NPAS3: variants seen among roughly 807,000 people sequenced by gnomAD.
NPAS3 encodes neuronal PAS domain-containing protein 3.
Under a neutral mutation model 73.1 loss-of-function variants are expected in NPAS3, and 14 were observed. The observed-to-expected ratio is 0.19, with a 90% CI of 0.13 to 0.30. The LOEUF (loss-of-function observed/expected upper bound fraction) is 0.30, where lower values mean the gene tolerates loss of function less well. Ranked by LOEUF, NPAS3 falls within the 10% of genes least tolerant of loss-of-function variation. The pLI is 1.00. For synonymous variants in NPAS3, 620 were observed against 541.5 expected, an observed-to-expected ratio of 1.14 and a Z score of -2.01; for missense variants, 1,096 against 1,250.0, an observed-to-expected ratio of 0.88 and a Z score of 1.86.
At chr14:33,279,074 G>T (rs1312385075) in intron 3 of NPAS3, among the ~76,000 whole-genome samples, 1 of 152,134 alleles carries the variant, frequency 6.6e-6, no homozygotes, top group African/African-American at 2.4e-5. Flanking sequence ...ATCACCTGGA[G>T]AGCTTATTAA....
At chr14:33,607,976 T>G (rs960302823) in intron 5 of NPAS3, among the ~76,000 whole-genome samples, 5 of 152,160 alleles carry the variant, frequency 3.3e-5, no homozygotes, top group African/African-American at 1.2e-4. Flanking sequence ...CATGATTCAG[T>G]TACCTCCCAC....
At chr14:33,768,829 T>C (rs1380103177) in intron 7 of NPAS3, among the ~76,000 whole-genome samples, 1 of 152,352 alleles carries the variant, frequency 6.6e-6, no homozygotes, top group South Asian at 2.1e-4. Flanking sequence ...TTTTATAGTT[T>C]CATGGCTCTT....
exon 12 of NPAS3, chr14:33,799,987 C>T: frequency 6.2e-7 from 1 of 1,613,570 alleles, no homozygotes. Context: ...TGGAGCGCTA[C>T]GTGGAGAGCG....
chr14:33,473,257 A>G (rs2050869071), intron 4 of NPAS3, among the ~76,000 whole-genome samples: 3 of 152,160 alleles, frequency 2.0e-5, no homozygotes, highest in Admixed American at 6.5e-5. Flanking sequence ...TTTAAAACAT[A>G]TAAATGCAAG....
At chr14:33,535,325 T>C (rs1226375948) in intron 4 of NPAS3, among the ~76,000 whole-genome samples, 1 of 152,194 alleles carries the variant, frequency 6.6e-6, no homozygotes, top group Non-Finnish European at 1.5e-5. Context: ...ACTAGACTAG[T>C]ATGAAGTTTA....
chr14:33,057,114 A>G (rs1220813606), intron 2 of NPAS3, among the ~76,000 whole-genome samples: 1 of 152,198 alleles, frequency 6.6e-6, no homozygotes, highest in Non-Finnish European at 1.5e-5. Context: ...GCTCTCTGAA[A>G]TAGACACAAA....
intron 4 of NPAS3, among the ~76,000 whole-genome samples, chr14:33,451,435 C>A (rs536146653): frequency 4.6e-5 from 7 of 152,198 alleles, no homozygotes; most frequent in Non-Finnish European, 8.8e-5. Flanking sequence ...ATAGAACTGA[C>A]AGCACAGAAT....
intron 2 of NPAS3, among the ~76,000 whole-genome samples, chr14:33,184,950 A>G (rs1467072756): frequency 2.0e-5 from 3 of 152,128 alleles, no homozygotes; most frequent in Non-Finnish European, 4.4e-5. Flanking sequence ...CTTTTTTTAA[A>G]TCATGTCTTA....
intron 1 of NPAS3, among the ~76,000 whole-genome samples, chr14:33,012,552 CTT>C (rs35569383): frequency 2.4e-4 from 34 of 141,758 alleles, no homozygotes; most frequent in Admixed American, 4.3e-4. Context: ...AAAGTCATAT[CTT>C]TTTTTTTTTT....
At chr14:33,133,027 C>G (rs1305214952) in intron 2 of NPAS3, among the ~76,000 whole-genome samples, 1 of 152,068 alleles carries the variant, frequency 6.6e-6, no homozygotes, top group Admixed American at 6.6e-5. Flanking sequence ...TGGTCTATGA[C>G]TGTGATTAGA....
chr14:33,797,115 G>A (rs956052638), intron 10 of NPAS3, among the ~76,000 whole-genome samples: 4 of 152,170 alleles, frequency 2.6e-5, no homozygotes, highest in African/African-American at 9.7e-5. Flanking sequence ...GGAGACATGG[G>A]AATGAATTGT....
At chr14:33,219,916 C>A (rs2139702356) in intron 3 of NPAS3, among the ~76,000 whole-genome samples, 1 of 152,276 alleles carries the variant, frequency 6.6e-6, no homozygotes, top group Admixed American at 6.5e-5. Flanking sequence ...CAGGGATTTT[C>A]CTGTTGCTGT....
chr14:33,388,139 T>A (rs972441231), intron 4 of NPAS3, among the ~76,000 whole-genome samples: 61 of 152,214 alleles, frequency 4.0e-4, no homozygotes, highest in Non-Finnish European at 7.1e-4. Context: ...GCACAGGGCT[T>A]TGCAAGGGTA....
At chr14:33,009,231 CT>C (rs1376661249) in intron 1 of NPAS3, among the ~76,000 whole-genome samples, 4 of 152,068 alleles carry the variant, frequency 2.6e-5, no homozygotes, top group Admixed American at 6.5e-5. Flanking sequence ...AGCCACCTCA[CT>C]GGGGAATAAG....
At chr14:32,938,036 C>G (rs1043943476), upstream of NPAS3, among the ~76,000 whole-genome samples, 1 of 152,188 alleles carries the variant, frequency 6.6e-6, no homozygotes, top group African/African-American at 2.4e-5. Context: ...AGTCCGGTCC[C>G]AAGTCCCGGG....
rs1055444029 is a variant in NPAS3, at chr14:33,272,616, C to T, written c.385+57190C>T. Among the ~76,000 whole-genome samples, 8 of 152,164 alleles carry T rather than the reference C, an allele frequency of 5.3e-5. No individual in the cohort carries two copies. The East Asian group carries it at 1.6e-3, about 30-fold the overall frequency. ...GTTTTTAATAGAGATGGGGTTTCACCATGTTGGCTAGGCTGGTCTTGAACT... is the reference window on the plus strand; with the variant it reads ...GTTTTTAATAGAGATGGGGTTTCACTATGTTGGCTAGGCTGGTCTTGAACT... On this transcript the variant is annotated intron_variant, in intron 3 of 11. Transcript: ENST00000356141.
intron 3 of NPAS3, among the ~76,000 whole-genome samples, chr14:33,299,758 AT>A (rs899597593): frequency 1.7e-4 from 26 of 151,438 alleles, no homozygotes; most frequent in East Asian, 5.8e-4. Context: ...ATTCCAGAGC[AT>A]TTTTTTTTCT....
intron 4 of NPAS3, among the ~76,000 whole-genome samples, chr14:33,480,569 C>CTCCCTGCCTCTCTCTCTCCTTCTGGG (rs563396002): frequency 8.0e-6 from 1 of 125,446 alleles, no homozygotes; most frequent in Non-Finnish European, 1.6e-5. Flanking sequence ...CCCTCCCTCC[C>CTCCCTGCCTCTCTCTCTCCTTCTGGG]TCCCTCTCTC....
chr14:32,972,000 G>A (rs139553357), intron 1 of NPAS3, among the ~76,000 whole-genome samples: 64 of 147,400 alleles, frequency 4.3e-4, no homozygotes, highest in African/African-American at 1.4e-3. Context: ...GTGCAGTGGC[G>A]CAATCTTGGC....
Sources: gnomAD v4.1 joint callset for allele counts (sites outside exome capture counted in the v4.1 genomes callset) on GRCh38, gnomAD v4.1.1 for gene constraint, MANE v1.5 for transcripts, NCBI Gene and HGNC (gene_info 2026-07-23, HGNC 2026-07-21) for gene names.